Variants in ELMO1 observed in about 807,000 individuals in gnomAD.
ELMO1 encodes engulfment and cell motility protein 1.
In ELMO1, 26 loss-of-function variants were observed where a neutral mutation model predicts 98.9. That is an observed-to-expected ratio of 0.26 (90% CI 0.19 to 0.36). ELMO1 has a LOEUF of 0.36. Ranked by LOEUF, ELMO1 falls within the 10% of genes least tolerant of loss-of-function variation. The pLI is 1.00. For missense variants in ELMO1, 627 were observed against 935.2 expected (o/e 0.67, Z 4.30); for synonymous variants, 346 against 346.0 (o/e 1.00, Z 0.00).
chr7:36,901,806 A>T (rs1431011737), intron 16 of ELMO1, among the ~76,000 whole-genome samples: 2 of 152,218 alleles, frequency 1.3e-5, no homozygotes, highest in African/African-American at 4.8e-5. Context: ...TCCAAAAAAA[A>T]AATAATCCCC....
chr7:37,107,707 GT>G (rs1370977017), intron 14 of ELMO1, among the ~76,000 whole-genome samples: 1 of 152,206 alleles, frequency 6.6e-6, no homozygotes, highest in Admixed American at 6.5e-5. Context: ...CTGAGAAATT[GT>G]CACCATTGTC....
chr7:37,127,781 T>C (rs566827107), intron 14 of ELMO1, among the ~76,000 whole-genome samples: 47 of 152,326 alleles, frequency 3.1e-4, no homozygotes, highest in African/African-American at 1.1e-3. Context: ...TGCCATTGCT[T>C]CCTGCTTTGT....
chr7:37,132,528 G>A (rs952053472), intron 14 of ELMO1, among the ~76,000 whole-genome samples: 1 of 152,132 alleles, frequency 6.6e-6, no homozygotes. Context: ...TGTCGCCTTA[G>A]GCTTCCATTC....
intron 4 of ELMO1, among the ~76,000 whole-genome samples, chr7:37,279,766 AC>A (rs1473452593): frequency 6.6e-6 from 1 of 152,068 alleles, no homozygotes; most frequent in Admixed American, 6.6e-5. Flanking sequence ...AGGGGGTATA[AC>A]TCCACAGGGA....
intron 4 of ELMO1, among the ~76,000 whole-genome samples, chr7:37,308,689 C>A (rs1798738678): frequency 6.6e-6 from 1 of 152,172 alleles, no homozygotes; most frequent in African/African-American, 2.4e-5. Flanking sequence ...CTTCTAGTCT[C>A]CTCTATTGGA....
At chr7:36,891,281 T>C (rs1239689953) in intron 17 of ELMO1, among the ~76,000 whole-genome samples, 6 of 152,226 alleles carry the variant, frequency 3.9e-5, no homozygotes, top group African/African-American at 1.4e-4. Flanking sequence ...TAGAATAGTG[T>C]CTGGCACGTG....
chr7:37,256,724 G>GGGGAAGGGAAGGGAA (rs147352052), intron 6 of ELMO1, among the ~76,000 whole-genome samples: 2 of 115,306 alleles, frequency 1.7e-5, no homozygotes, highest in South Asian at 3.7e-4. Context: ...AGAGGGGCAG[G>GGGGAAGGGAAGGGAA]GGGAAGGGAA....
At chr7:37,182,966 G>A (rs1043664531) in intron 13 of ELMO1, among the ~76,000 whole-genome samples, 1 of 152,178 alleles carries the variant, frequency 6.6e-6, no homozygotes, top group African/African-American at 2.4e-5. Flanking sequence ...CCTTTGCTAT[G>A]CTCTTCTTTT....
intron 15 of ELMO1, among the ~76,000 whole-genome samples, chr7:37,041,222 G>A (rs1795490231): frequency 6.6e-6 from 1 of 152,208 alleles, no homozygotes; most frequent in African/African-American, 2.4e-5. Context: ...GTGCTACATT[G>A]TTGCACTGAC....
intron 14 of ELMO1, among the ~76,000 whole-genome samples, chr7:37,132,743 T>C (rs1201935150): frequency 6.6e-6 from 1 of 152,186 alleles, no homozygotes; most frequent in Non-Finnish European, 1.5e-5. Flanking sequence ...ATTTTTCTCT[T>C]TGTTTCTGTT....
chr7:37,067,664 T>C (rs1797055764), intron 15 of ELMO1, among the ~76,000 whole-genome samples: 1 of 152,170 alleles, frequency 6.6e-6, no homozygotes, highest in Non-Finnish European at 1.5e-5. Flanking sequence ...CTATTAACTT[T>C]AGAATTATAA....
Position 37,342,591 on chromosome 7 carries a change from C to A in ELMO1, c.78+22G>T, listed in dbSNP as rs1293258230. ...TAGAAAGGAAACTGAAAATAGACAC[C>A]CAATGCTGTCACGTTACTAACCTGA... On this transcript the variant is annotated intron_variant, in intron 2 of 21. Transcript: ENST00000310758. The surrounding 1 kb of genome is among the most constrained non-coding windows in gnomAD (Gnocchi z 4.3). 6.2e-7 allele frequency: 1 copy of A among 1,611,866 alleles called. No individual in the cohort carries two copies. Among genetic ancestry groups the A allele is most frequent in the South Asian group, 1.1e-5 (1 of 91,026 alleles).
intron 16 of ELMO1, among the ~76,000 whole-genome samples, chr7:36,905,503 C>CA (rs1174746241): frequency 1.3e-5 from 2 of 152,092 alleles, no homozygotes; most frequent in Admixed American, 6.5e-5. Context: ...ATCATGATGC[C>CA]AAAAAACAAG....
At chr7:37,102,146 G>C (rs1238807170) in intron 14 of ELMO1, among the ~76,000 whole-genome samples, 3 of 152,154 alleles carry the variant, frequency 2.0e-5, no homozygotes, top group Admixed American at 2.0e-4. Flanking sequence ...CCAAGACCCA[G>C]ACCTACCCCA....
intron 1 of ELMO1, among the ~76,000 whole-genome samples, chr7:37,373,402 T>A (rs964130361): frequency 2.8e-4 from 42 of 151,774 alleles, no homozygotes; most frequent in Non-Finnish European, 4.0e-4. Flanking sequence ...AGGTCGGGAG[T>A]TTGAGACCAG....
intron 16 of ELMO1, among the ~76,000 whole-genome samples, chr7:36,963,420 G>T (rs1389713911): frequency 6.7e-6 from 1 of 148,454 alleles, no homozygotes. Context: ...AATAAATAAA[G>T]GCATCTTTGA....
chr7:37,042,508 T>A (rs1290003206), intron 15 of ELMO1, among the ~76,000 whole-genome samples: 8 of 152,180 alleles, frequency 5.3e-5, no homozygotes, highest in Admixed American at 4.6e-4. Context: ...CTGTGAGTGA[T>A]GCCACAGTTA....
At chr7:37,380,699 T>C (rs1388260878) in intron 1 of ELMO1, among the ~76,000 whole-genome samples, 3 of 152,226 alleles carry the variant, frequency 2.0e-5, no homozygotes, top group East Asian at 3.8e-4. Context: ...CTGAGAGTAA[T>C]GTCACAACAT....
At chr7:37,425,558 C>A (rs574101664) in intron 1 of ELMO1, among the ~76,000 whole-genome samples, 146 of 152,328 alleles carry the variant, frequency 9.6e-4, no homozygotes, top group Non-Finnish European at 1.5e-3. Flanking sequence ...ATGGGAGGCA[C>A]TGGATGTCTA....
Sources: allele counts gnomAD v4.1 joint callset (sites outside exome capture counted in the v4.1 genomes callset), GRCh38; gene constraint gnomAD v4.1.1; non-coding constraint Gnocchi (gnomAD v3.1); transcripts MANE v1.5; gene names NCBI Gene and HGNC (gene_info 2026-07-23, HGNC 2026-07-21).